Variants in RGS7 observed in about 807,000 individuals in gnomAD.
RGS7 encodes regulator of G-protein signaling 7.
Under a neutral mutation model 81.1 loss-of-function variants are expected in RGS7, and 27 were observed. The ratio of observed to expected loss-of-function variants is 0.33; its 90% confidence interval spans 0.25 to 0.46. RGS7 has a LOEUF of 0.46. Ranked by LOEUF, RGS7 falls within the 20% of genes least tolerant of loss-of-function variation. The pLI is 1.00. For synonymous variants in RGS7, 208 were observed against 207.7 expected, an observed-to-expected ratio of 1.00 and a Z score of -0.01; for missense variants, 396 against 607.4, an observed-to-expected ratio of 0.65 and a Z score of 3.66.
intron 5 of RGS7, among the ~76,000 whole-genome samples, chr1:240,931,947 G>A (rs1392334944): frequency 6.6e-6 from 1 of 152,152 alleles, no homozygotes; most frequent in Non-Finnish European, 1.5e-5. Context: ...CTGGAATGAT[G>A]AGGCCTGCAG....
At chr1:240,940,041 C>T (rs1158569106) in intron 4 of RGS7, among the ~76,000 whole-genome samples, 1 of 152,142 alleles carries the variant, frequency 6.6e-6, no homozygotes, top group Admixed American at 6.5e-5. Context: ...GATCACGCCA[C>T]TGCACTCCAG....
intron 6 of RGS7, among the ~76,000 whole-genome samples, 173 bp downstream of exon 6, chr1:240,930,544 G>A (rs763180361): frequency 6.6e-6 from 1 of 151,916 alleles, no homozygotes; most frequent in Non-Finnish European, 1.5e-5. Flanking sequence ...AAGTTGTCAC[G>A]AGGTCTGGTG....
chr1:241,227,495 G>T (rs908264056), intron 2 of RGS7, among the ~76,000 whole-genome samples: 5 of 149,614 alleles, frequency 3.3e-5, no homozygotes, highest in African/African-American at 1.2e-4. Context: ...CGCTTTGAGA[G>T]GCTCAGATGG....
intron 2 of RGS7, among the ~76,000 whole-genome samples, chr1:241,324,546 G>A (rs1189324682): frequency 6.6e-6 from 1 of 152,216 alleles, no homozygotes; most frequent in East Asian, 1.9e-4. Flanking sequence ...CATTGCATCA[G>A]AAGAAAAACT....
intron 2 of RGS7, among the ~76,000 whole-genome samples, chr1:241,328,667 T>G (rs945145873): frequency 6.6e-6 from 1 of 152,206 alleles, no homozygotes; most frequent in Non-Finnish European, 1.5e-5. Flanking sequence ...AGCTAGGGAC[T>G]CCAGCATGGT....
intron 3 of RGS7, among the ~76,000 whole-genome samples, chr1:241,007,496 G>A (rs1370928630): frequency 1.3e-5 from 2 of 152,164 alleles, no homozygotes; most frequent in Non-Finnish European, 2.9e-5. Context: ...TTGACTGCAT[G>A]GGAGTTGGTG....
rs188107333 is a variant in RGS7 at position 241,195,641 on chromosome 1, A to G, written c.79-96879T>C. Among the ~76,000 whole-genome samples, 32 of 152,268 alleles carry G rather than the reference A, an allele frequency of 2.1e-4. No individual in the cohort carries two copies. The East Asian group carries it at 4.8e-3, about 23-fold the overall frequency. ...TTAAAAGATTAAATAAGGCAATACA[A>G]TTCAGTGAAGAACAAAAAATTATAA... is the stretch of plus-strand genomic sequence containing the variant. On this transcript the variant is annotated intron_variant, in intron 2 of 18. Coordinates refer to ENST00000440928, the MANE Select transcript of RGS7 (RefSeq NM_001364886.1).
rs1161090389 is a variant in RGS7 at position 241,089,063 on chromosome 1, C to CTATATA, written c.175+9597_175+9602dup. Among the ~76,000 whole-genome samples the CTATATA allele has an allele frequency of 5.2e-3, 122 of 23,666 alleles. 10 individuals carry two copies. The highest frequency in any genetic ancestry group is 7.4e-3 in the South Asian group (5 of 674). The allele number at this position is 23,666 out of a possible 152,430, so 15.5% of individuals were successfully genotyped here. On this transcript the variant is annotated intron_variant, in intron 3 of 18. Transcript: ENST00000440928. ...TCTCTCTCTCTCTCTCTCTCTCTCTCTATATATATATATATATATATATAT... is the reference window on the plus strand; with the variant it reads ...TCTCTCTCTCTCTCTCTCTCTCTCTCTATATATATATATATATATATATATATATAT...
At chr1:240,939,263 A>C (rs1044764483) in intron 4 of RGS7, among the ~76,000 whole-genome samples, 1 of 108,674 alleles carries the variant, frequency 9.2e-6, no homozygotes, top group Non-Finnish European at 1.8e-5. Context: ...TTCCAACACA[A>C]AAAAAACATA....
At chr1:241,356,353 G>A (rs549465630) in intron 1 of RGS7, among the ~76,000 whole-genome samples, 1 of 152,102 alleles carries the variant, frequency 6.6e-6, no homozygotes, top group Admixed American at 6.5e-5. Flanking sequence ...CTATTCCCCC[G>A]GGTCTCCCAC....
At chr1:241,047,222 G>A (rs1028967564) in intron 3 of RGS7, among the ~76,000 whole-genome samples, 5 of 152,204 alleles carry the variant, frequency 3.3e-5, no homozygotes, top group African/African-American at 1.2e-4. Context: ...GCACAGCCCA[G>A]TGACTAAAAT....
intron 3 of RGS7, among the ~76,000 whole-genome samples, chr1:241,066,386 G>A (rs758649148): frequency 4.6e-5 from 7 of 152,136 alleles, no homozygotes; most frequent in Non-Finnish European, 7.4e-5. Context: ...TCTGATCTCC[G>A]TAGCATAAGC....
At chr1:240,869,866 G>A (rs1314085925) in intron 7 of RGS7, among the ~76,000 whole-genome samples, 189 bp downstream of exon 7, 2 of 152,162 alleles carry the variant, frequency 1.3e-5, no homozygotes, top group African/African-American at 4.8e-5. Context: ...CTTGAACCTG[G>A]GAGGCAGAGG....
intron 2 of RGS7, among the ~76,000 whole-genome samples, chr1:241,301,344 C>T (rs555538599): frequency 3.3e-5 from 5 of 152,310 alleles, no homozygotes; most frequent in South Asian, 4.1e-4. Flanking sequence ...AAGCATCAAA[C>T]GAGTTCTCAA....
intron 2 of RGS7, among the ~76,000 whole-genome samples, chr1:241,123,992 G>C (rs1408532553): frequency 6.6e-6 from 1 of 152,126 alleles, no homozygotes; most frequent in Non-Finnish European, 1.5e-5. Context: ...AACATACTCA[G>C]ATATTTTTCT....
At chr1:240,819,608 T>C (rs1180765223) in intron 10 of RGS7, among the ~76,000 whole-genome samples, 2 of 152,058 alleles carry the variant, frequency 1.3e-5, no homozygotes, top group East Asian at 1.9e-4. Flanking sequence ...CATGGCGGCA[T>C]GTGCCTGTGG....
At chr1:241,145,348 T>C (rs1162840976) in intron 2 of RGS7, among the ~76,000 whole-genome samples, 2 of 152,098 alleles carry the variant, frequency 1.3e-5, no homozygotes, top group Non-Finnish European at 2.9e-5. Context: ...GAGACTTATA[T>C]CAATTAGAGA....
intron 9 of RGS7, among the ~76,000 whole-genome samples, chr1:240,843,411 G>A (rs1276040658): frequency 6.6e-6 from 1 of 151,988 alleles, no homozygotes; most frequent in African/African-American, 2.4e-5. Flanking sequence ...GACTACAGGT[G>A]TGTATCACCA....
In RGS7 at chr1:241,089,063, C is replaced by CTATATATATA. The variant is rs1161090389; in HGVS notation, c.175+9593_175+9602dup. On this transcript the variant is annotated intron_variant, in intron 3 of 18. Coordinates refer to ENST00000440928, the MANE Select transcript of RGS7 (RefSeq NM_001364886.1). The stretch of plus-strand genomic sequence containing the variant: ...TCTCTCTCTCTCTCTCTCTCTCTCT[C>CTATATATATA]TATATATATATATATATATATATAT... Among the ~76,000 whole-genome samples the CTATATATATA allele has an allele frequency of 2.2e-3, 52 of 23,664 alleles. 3 individuals are homozygous for CTATATATATA. Among genetic ancestry groups the CTATATATATA allele is most frequent in the South Asian group, 3.0e-3 (2 of 674 alleles). The allele number at this position is 23,664 out of a possible 152,430, so 15.5% of individuals were successfully genotyped here.
Sources: gnomAD v4.1 joint callset for allele counts (sites outside exome capture counted in the v4.1 genomes callset) on GRCh38, gnomAD v4.1.1 for gene constraint, MANE v1.5 for transcripts, NCBI Gene and HGNC (gene_info 2026-07-23, HGNC 2026-07-21) for gene names.